The following ERCC3 variants were observed in gnomAD, a reference collection of about 807,000 sequenced individuals.
The protein encoded by ERCC3 is general transcription and DNA repair factor IIH helicase/translocase subunit XPB.
A neutral mutation model predicts 94.2 loss-of-function variants in ERCC3; 66 were observed. That is an observed-to-expected ratio of 0.70 (90% CI 0.57 to 0.86). The LOEUF (loss-of-function observed/expected upper bound fraction) is 0.86. Among genes scored for constraint, ERCC3 ranks in the 40% least tolerant of loss-of-function variants. The pLI is 0.00. For synonymous variants in ERCC3, 349 were observed against 369.1 expected, an observed-to-expected ratio of 0.95 and a Z score of 0.63; for missense variants, 829 against 987.1, an observed-to-expected ratio of 0.84 and a Z score of 2.15.
chr2:127,293,961 G>A lies in ERCC3; in HGVS notation c.28+93C>T, dbSNP rs765230418. ...GCGCGCGGGAGGGCCAGCAGGGTCG[G>A]CCGGCGCAGAGGCCCGGAGCAGCTC... On this transcript the variant is annotated intron_variant, in intron 1 of 14. Transcript: ENST00000285398. 190 of 1,552,164 alleles carry A rather than the reference G, an allele frequency of 1.2e-4. No homozygotes were observed. The African/African-American group carries it at 1.7e-3, about 14-fold the overall frequency.
chr2:127,282,067 A>G (rs568085691), intron 8 of ERCC3, among the ~76,000 whole-genome samples: 4 of 152,288 alleles, frequency 2.6e-5, no homozygotes, highest in Non-Finnish European at 5.9e-5. Context: ...GTCACAGGTG[A>G]ATAACTCACA....
At position 127,288,921 on chromosome 2, in the gene ERCC3, A is replaced by G. The variant is rs896797990; in HGVS notation, c.823-57T>C. On this transcript the variant is annotated intron_variant, in intron 6 of 14. Coordinates refer to ENST00000285398, the MANE Select transcript of ERCC3 (RefSeq NM_000122.2). Reference sequence around the variant, plus strand: ...TCTTGTTACTGTGCTCAAAAACATTACATCTTCTAAGAGGTCCAATGGTCA... The same window carrying G: ...TCTTGTTACTGTGCTCAAAAACATTGCATCTTCTAAGAGGTCCAATGGTCA... 3.7e-6 allele frequency: 5 copies of G among 1,347,628 alleles called. No individual in the cohort carries two copies. The Admixed American group carries it at 6.7e-5, about 18-fold the overall frequency. The allele number at this position is 1,347,628 out of a possible 1,614,324, so 83.5% of individuals were successfully genotyped here. A position where few individuals can be genotyped will look rare whatever the true frequency, so the allele number is the denominator to read the frequency against.
chr2:127,257,732 C>A lies in ERCC3; in HGVS notation c.2218-5G>T, dbSNP rs201054106. ...GGTGCCAAAGCGCCGAGATGCCTGCCGGGAAGGGGGAACCAGCCCATGTTA... is the reference window on the plus strand; with the variant it reads ...GGTGCCAAAGCGCCGAGATGCCTGCAGGGAAGGGGGAACCAGCCCATGTTA... On this transcript the variant is annotated splice_polypyrimidine_tract_variant and splice_region_variant and intron_variant, in intron 14 of 14. Transcript: ENST00000285398. This position sits in a 1 kb window ranked among gnomAD's most constrained non-coding sequence, Gnocchi z 5.4. 1 of 1,614,064 alleles carries A rather than the reference C, an allele frequency of 6.2e-7. No individual in the cohort carries two copies. Among genetic ancestry groups the A allele is most frequent in the Non-Finnish European group, 8.5e-7 (1 of 1,179,998 alleles).
In ERCC3 at chr2:127,289,406, G is replaced by A. The variant is rs915681182; in HGVS notation, c.753C>T (p.Phe251=). 16 of 1,613,420 alleles carry A rather than the reference G, an allele frequency of 9.9e-6. No individual in the cohort carries two copies. The African/African-American group carries it at 1.5e-4, about 15-fold the overall frequency. Residue 251 remains phenylalanine (F), a synonymous_variant, in exon 6 of 15, where the codon TTC becomes TTT. Coordinates refer to ENST00000285398, the MANE Select transcript of ERCC3 (RefSeq NM_000122.2). ...KSDIPMDLFD[F]YEQMDKDEEE... is the part of the protein sequence containing the mutation. ...CTTCATCCTTGTCCATTTGCTCATA[G>A]AAGTCAAACAGGTCCATGGGGATGT...
In ERCC3 at chr2:127,293,595, G is replaced by T; in HGVS notation, c.152C>A (p.Thr51Asn). The T allele has an allele frequency of 6.2e-7, 1 of 1,614,178 alleles. No homozygotes were observed. The highest frequency in any genetic ancestry group is 1.1e-5 in the South Asian group (1 of 91,076). Reference protein sequence around the residue: ...AAGKQVDESGTKVDEYGAKDY... With the variant: ...AAGKQVDESGNKVDEYGAKDY... ...CTTGGCTCCATATTCATCCACTTTG[G>T]TGCCTGACTCATCCACCTGCTTCCC... The change falls in exon 2 of 15, where the codon ACC (threonine) becomes AAC (asparagine). Residue 51 changes from threonine (T) to asparagine (N), a missense_variant. By Grantham distance (65) the Thr-to-Asn change is moderately conservative (BLOSUM62 0). Coordinates refer to ENST00000285398, the MANE Select transcript of ERCC3 (RefSeq NM_000122.2).
rs1469061229 is a variant in ERCC3 at position 127,280,341 on chromosome 2, G to A, written c.1527+106C>T. ...GATCCTGTATGAAGTGGTAGCAGGT[G>A]AGCCTAAGTCCTGACCTGTGTCTGC... On this transcript the variant is annotated intron_variant, in intron 9 of 14. Coordinates refer to ENST00000285398, the MANE Select transcript of ERCC3 (RefSeq NM_000122.2). The surrounding 1 kb of genome is among the most constrained non-coding windows in gnomAD (Gnocchi z 6.3). The A allele has an allele frequency of 1.9e-6, 2 of 1,028,708 alleles. No individual in the cohort carries two copies. Among genetic ancestry groups the A allele is most frequent in the South Asian group, 1.4e-5 (1 of 72,978 alleles). The allele number at this position is 1,028,708 out of a possible 1,614,324, so 63.7% of individuals were successfully genotyped here.
rs1451873165 is a variant in ERCC3 at position 127,279,375 on chromosome 2, C to T, written c.1528G>A (p.Val510Ile). ...AATTCAGGAGACATAGGGCACCAGA[C>T]CTGTAATACAGTAAGAACCAGGGGT... ...GYIAKVQCAE[V>I]WCPMSPEFYR... is the part of the protein sequence containing the mutation. Residue 510 changes from valine (V) to isoleucine (I), a missense_variant and splice_region_variant, in exon 10 of 15, where the codon GTC becomes ATC. Physicochemically the swap from Val to Ile is conservative, Grantham distance 29. Coordinates refer to ENST00000285398, the MANE Select transcript of ERCC3 (RefSeq NM_000122.2). The surrounding 1 kb of genome is among the most constrained non-coding windows in gnomAD (Gnocchi z 4.7). 1 of 1,610,436 alleles carries T rather than the reference C, an allele frequency of 6.2e-7. No individual in the cohort carries two copies. Among genetic ancestry groups the T allele is most frequent in the African/African-American group, 1.3e-5 (1 of 74,950 alleles).
At chr2:127,267,908 T>C (rs917947583) in intron 12 of ERCC3, among the ~76,000 whole-genome samples, 4 of 152,146 alleles carry the variant, frequency 2.6e-5, no homozygotes, top group African/African-American at 9.7e-5. Flanking sequence ...TTTTTCTTTT[T>C]TATTTTTTTT....
In ERCC3 at chr2:127,280,630, G is replaced by C; in HGVS notation, c.1344C>G (p.Ala448=). ...TGGTGAGCACCCTTCGGAACATCTT[G>C]GCTGAGGAAACAATGGGAGCATTCA... is the stretch of plus-strand genomic sequence containing the variant. ...MILDEVHTIP[A]KMFRRVLTIV... The change falls in exon 9 of 15, where the codon GCC becomes GCG. Residue 448 remains alanine, a splice_region_variant and synonymous_variant. Coordinates refer to ENST00000285398, the MANE Select transcript of ERCC3 (RefSeq NM_000122.2). This position sits in a 1 kb window ranked among gnomAD's most constrained non-coding sequence, Gnocchi z 6.3. 6.2e-7 allele frequency: 1 copy of C among 1,613,706 alleles called. No homozygotes were observed. Among genetic ancestry groups the C allele is most frequent in the Non-Finnish European group, 8.5e-7 (1 of 1,179,744 alleles).
rs1684859793 is a variant in ERCC3 at position 127,280,049 on chromosome 2, G to A, written c.1527+398C>T. On this transcript the variant is annotated intron_variant, in intron 9 of 14. Coordinates refer to ENST00000285398, the MANE Select transcript of ERCC3 (RefSeq NM_000122.2). The surrounding 1 kb of genome is among the most constrained non-coding windows in gnomAD (Gnocchi z 6.3). Reference sequence around the variant, plus strand: ...CCGCCACCTCTTCACACACTTCCCAGCAGGGCTGGGAGCATATCAGTTAGG... The same window carrying A: ...CCGCCACCTCTTCACACACTTCCCAACAGGGCTGGGAGCATATCAGTTAGG... 6.6e-6 allele frequency among the ~76,000 whole-genome samples: 1 copy of A among 152,134 alleles called. No individual in the cohort carries two copies. Among genetic ancestry groups the A allele is most frequent in the African/African-American group, 2.4e-5 (1 of 41,420 alleles).
In ERCC3 at chr2:127,277,655, C is replaced by T. The variant is rs1684773429; in HGVS notation, c.1730+1518G>A. Among the ~76,000 whole-genome samples the T allele has an allele frequency of 6.6e-6, 1 of 152,026 alleles. No homozygotes were observed. Among genetic ancestry groups the T allele is most frequent in the Admixed American group, 6.6e-5 (1 of 15,264 alleles). ...GCAGTGAGCTGAGATAGCGCCACTGCACTCCAGCCTGGCAACAGAGCAAGA... is the reference window on the plus strand; with the variant it reads ...GCAGTGAGCTGAGATAGCGCCACTGTACTCCAGCCTGGCAACAGAGCAAGA... On this transcript the variant is annotated intron_variant, in intron 10 of 14. Coordinates refer to ENST00000285398, the MANE Select transcript of ERCC3 (RefSeq NM_000122.2). This position sits in a 1 kb window ranked among gnomAD's most constrained non-coding sequence, Gnocchi z 5.1.
Position 127,277,474 on chromosome 2 carries a change from G to A in ERCC3, c.1730+1699C>T, listed in dbSNP as rs1049920850. Among the ~76,000 whole-genome samples the A allele has an allele frequency of 3.9e-5, 6 of 152,008 alleles. No individual in the cohort carries two copies. Among genetic ancestry groups the A allele is most frequent in the African/African-American group, 7.2e-5 (3 of 41,414 alleles). On this transcript the variant is annotated intron_variant, in intron 10 of 14. Coordinates refer to ENST00000285398, the MANE Select transcript of ERCC3 (RefSeq NM_000122.2). The surrounding 1 kb of genome is among the most constrained non-coding windows in gnomAD (Gnocchi z 5.1). ...TGGAAGGCCGAGGCAGGCAGATCAC[G>A]AGGTCAAGAGATCGAGACCATCCTG...
At chr2:127,287,101 A>C (rs1172777608) in intron 7 of ERCC3, 84 bp from the exon 8 acceptor site, 1 of 1,025,582 alleles carries the variant, frequency 9.8e-7, no homozygotes, top group South Asian at 1.3e-5. Context: ...CAAGTACAGC[A>C]ATCTAGGAAA....
chr2:127,288,624 C>G (rs376509234), intron 7 of ERCC3, 36 bp downstream of exon 7: 6 of 1,575,310 alleles, frequency 3.8e-6, no homozygotes, highest in Non-Finnish European at 5.2e-6. Context: ...CCAGACACAA[C>G]AGCCTGACCA....
chr2:127,273,794 A>C (rs1047365708), intron 10 of ERCC3, among the ~76,000 whole-genome samples: 1 of 149,850 alleles, frequency 6.7e-6, no homozygotes, highest in Non-Finnish European at 1.5e-5. Flanking sequence ...GCTCCCTGCC[A>C]AAGGGTACAA....
At chr2:127,281,147 A>C (rs1437274189) in intron 8 of ERCC3, among the ~76,000 whole-genome samples, 2 of 152,258 alleles carry the variant, frequency 1.3e-5, no homozygotes, top group African/African-American at 4.8e-5. Flanking sequence ...AATTACGCAA[A>C]GAATTTTCCC....
rs1272534276 is a variant in ERCC3 at position 127,271,943 on chromosome 2, C to G, written c.1828-490G>C. On this transcript the variant is annotated intron_variant, in intron 11 of 14. Coordinates refer to ENST00000285398, the MANE Select transcript of ERCC3 (RefSeq NM_000122.2). This position sits in a 1 kb window ranked among gnomAD's most constrained non-coding sequence, Gnocchi z 5.0. ...CTGGGGCTCCAAACATCGAGGTTCC[C>G]AGCCACAGACATGAAGGTTTGGTGC... 6.6e-6 allele frequency among the ~76,000 whole-genome samples: 1 copy of G among 151,772 alleles called. No individual in the cohort carries two copies. Among genetic ancestry groups the G allele is most frequent in the Non-Finnish European group, 1.5e-5 (1 of 67,994 alleles).
Position 127,293,661 on chromosome 2 carries a change from G to T in ERCC3, c.86C>A (p.Ala29Asp). The T allele has an allele frequency of 6.2e-7, 1 of 1,614,102 alleles. No homozygotes were observed. The highest frequency in any genetic ancestry group is 1.7e-5 in the Admixed American group (1 of 60,024). Reference sequence around the variant, plus strand: ...CGCTTCCTGAGGGTCGTTCCCCGGGGCGTCCTCTTCATCATCCTCTTCATC... The same window carrying T: ...CGCTTCCTGAGGGTCGTTCCCCGGGTCGTCCTCTTCATCATCCTCTTCATC... Reference protein sequence around the residue: ...YEDEEDDEEDAPGNDPQEAVP... With the variant: ...YEDEEDDEEDDPGNDPQEAVP... Residue 29 changes from alanine to aspartate, a missense_variant, in exon 2 of 15, where the codon GCC becomes GAC. Coordinates refer to ENST00000285398, the MANE Select transcript of ERCC3 (RefSeq NM_000122.2).
intron 12 of ERCC3, chr2:127,262,134 T>A (rs998715066): frequency 2.0e-5 from 3 of 152,396 alleles, no homozygotes; most frequent in African/African-American, 7.2e-5. Flanking sequence ...TGGAATCGAA[T>A]ATTATTTAGC....
Sources: allele counts gnomAD v4.1 joint callset (sites outside exome capture counted in the v4.1 genomes callset), GRCh38; gene constraint gnomAD v4.1.1; non-coding constraint Gnocchi (gnomAD v3.1); transcripts MANE v1.5; gene names NCBI Gene and HGNC (gene_info 2026-07-23, HGNC 2026-07-21).